The following CDK11B variants were observed in gnomAD, a reference collection of about 807,000 sequenced individuals.
The protein encoded by CDK11B is cyclin dependent kinase 11B.
Under a neutral mutation model 84.0 loss-of-function variants are expected in CDK11B, and 37 were observed. That is an observed-to-expected ratio of 0.44 (90% CI 0.34 to 0.58). The LOEUF is 0.58. CDK11B is among the 20% of genes least tolerant of loss of function. CDK11B has a pLI of 0.02. For synonymous variants in CDK11B, 269 were observed against 309.8 expected, an observed-to-expected ratio of 0.87 and a Z score of 1.38; for missense variants, 427 against 834.0, an observed-to-expected ratio of 0.51 and a Z score of 6.01.
intron 6 of CDK11B, among the ~76,000 whole-genome samples, chr1:1,643,336 A>G (rs1284746996): frequency 6.9e-6 from 1 of 144,000 alleles, no homozygotes; most frequent in Non-Finnish European, 1.5e-5. Flanking sequence ...CCCCACAGAC[A>G]CAGCCCAGCA....
chr1:1,657,943 G>A (rs1385928974), intron 1 of CDK11B, among the ~76,000 whole-genome samples: 1 of 149,822 alleles, frequency 6.7e-6, no homozygotes, highest in East Asian at 1.9e-4. Flanking sequence ...TCTAGGCTGA[G>A]GCGGGTGGAT....
intron 4 of CDK11B, among the ~76,000 whole-genome samples, chr1:1,649,983 T>C (rs1397384742): frequency 7.3e-6 from 1 of 136,918 alleles, no homozygotes; most frequent in South Asian, 2.3e-4. Flanking sequence ...CACGTGAAAC[T>C]GAAATTAAGA....
intron 2 of CDK11B, among the ~76,000 whole-genome samples, chr1:1,656,634 C>T (rs1246044780): frequency 1.3e-5 from 2 of 151,984 alleles, no homozygotes; most frequent in Non-Finnish European, 2.9e-5. Context: ...CTAAAAAATA[C>T]AAAAAATTAG....
At position 1,656,707 on chromosome 1, in the gene CDK11B, G is replaced by A. The variant is rs141592373; in HGVS notation, c.111+668C>T. 3.7e-3 allele frequency among the ~76,000 whole-genome samples: 564 copies of A among 152,128 alleles called. 1 individual carries two copies. The highest frequency in any genetic ancestry group is 0.014 in the Middle Eastern group (4 of 294). On this transcript the variant is annotated intron_variant, in intron 2 of 19. Transcript: ENST00000341832. ...TGGGAGGCTGAGGCAGGAGAATGGC[G>A]TGAACCCGGCCCTGGGCGACAGTGC...
chr1:1,656,166 G>T (rs1209320469), intron 2 of CDK11B, among the ~76,000 whole-genome samples: 1 of 152,044 alleles, frequency 6.6e-6, no homozygotes, highest in Non-Finnish European at 1.5e-5. Context: ...GAGTCACACA[G>T]ATTTTTTGGT....
chr1:1,649,389 C>G (rs1641600590), intron 5 of CDK11B, 110 bp downstream of exon 5: 1 of 827,956 alleles, frequency 1.2e-6, no homozygotes, highest in Middle Eastern at 3.4e-4. Context: ...GCGTGAGCCA[C>G]CACACCTGGC....
intron 3 of CDK11B, among the ~76,000 whole-genome samples, chr1:1,655,142 C>T (rs1402135938): frequency 6.6e-6 from 1 of 152,076 alleles, no homozygotes; most frequent in Non-Finnish European, 1.5e-5. Context: ...TGGCAAAGTT[C>T]TTTACAGAAA....
At chr1:1,646,483 A>G (rs1316877429) in intron 5 of CDK11B, 1 of 519,870 alleles carries the variant, frequency 1.9e-6, no homozygotes, top group Non-Finnish European at 3.9e-6. Context: ...TGTGCAGTCC[A>G]TTTATGCCAC....
chr1:1,651,377 T>C (rs1641975741), intron 4 of CDK11B, among the ~76,000 whole-genome samples: 1 of 152,104 alleles, frequency 6.6e-6, no homozygotes, highest in African/African-American at 2.4e-5. Context: ...TCTCTGGTTT[T>C]CGGTCTGTGA....
intron 3 of CDK11B, among the ~76,000 whole-genome samples, chr1:1,654,884 T>G (rs1161817127): frequency 6.8e-6 from 1 of 147,788 alleles, no homozygotes; most frequent in Non-Finnish European, 1.5e-5. Flanking sequence ...GGTCTTGATC[T>G]TCTGACCTTG....
intron 5 of CDK11B, among the ~76,000 whole-genome samples, chr1:1,648,853 T>A (rs1364484456): frequency 6.6e-6 from 1 of 152,098 alleles, no homozygotes; most frequent in Non-Finnish European, 1.5e-5. Context: ...TACTGCAGCC[T>A]TGACCTCCAG....
Position 1,655,355 on chromosome 1 carries a change from G to T in CDK11B, c.227+14C>A. 1.2e-6 allele frequency: 2 copies of T among 1,612,730 alleles called. No individual in the cohort carries two copies. Among genetic ancestry groups the T allele is most frequent in the Non-Finnish European group, 1.7e-6 (2 of 1,179,164 alleles). On this transcript the variant is annotated intron_variant, in intron 3 of 19. Coordinates refer to ENST00000341832, the MANE Select transcript of CDK11B (RefSeq NM_033486.3). ...GTGTACAGCTGGGTCTTGCACATCT[G>T]TACATCCGCTCACCTGTCTTCCATA...
At chr1:1,637,707 G>C in intron 13 of CDK11B, 55 bp downstream of exon 13, 1 of 1,613,494 alleles carries the variant, frequency 6.2e-7, no homozygotes. Flanking sequence ...GACAGCACGG[G>C]GCCCTGTCAG....
intron 4 of CDK11B, among the ~76,000 whole-genome samples, chr1:1,651,586 C>G (rs1449978492): frequency 6.6e-6 from 1 of 151,500 alleles, no homozygotes; most frequent in Non-Finnish European, 1.5e-5. Flanking sequence ...AGTTTGCTCT[C>G]TCTGGTTTTC....
At chr1:1,649,820 C>T (rs1641655658) in intron 4 of CDK11B, among the ~76,000 whole-genome samples, 183 bp from the exon 5 acceptor site, 1 of 151,210 alleles carries the variant, frequency 6.6e-6, no homozygotes, top group African/African-American at 2.4e-5. Flanking sequence ...ACTAAAAATA[C>T]AAAAATTAGC....
At chr1:1,645,990 C>T (rs776568915) in intron 5 of CDK11B, 1 of 469,814 alleles carries the variant, frequency 2.1e-6, no homozygotes, top group Non-Finnish European at 4.3e-6. Context: ...AGGTGTGCGC[C>T]ACCACACCCA....
chr1:1,658,424 G>T (rs1643082986), intron 1 of CDK11B, among the ~76,000 whole-genome samples: 1 of 149,500 alleles, frequency 6.7e-6, no homozygotes, highest in East Asian at 2.0e-4. Flanking sequence ...CCTCAGTTTA[G>T]TCTTCCGTAC....
rs552178560 is a variant in CDK11B at position 1,641,324 on chromosome 1, C to T, written c.1010-211G>A. The stretch of plus-strand genomic sequence containing the variant: ...AGGAGTTCGAGACCATCCTGGCCAA[C>T]GTGGTGAAACCCCGTCTCGACTAAA... On this transcript the variant is annotated intron_variant, in intron 9 of 19. Coordinates refer to ENST00000341832, the MANE Select transcript of CDK11B (RefSeq NM_033486.3). Among the ~76,000 whole-genome samples the T allele has an allele frequency of 8.1e-5, 12 of 147,504 alleles. 1 individual carries two copies. Among genetic ancestry groups the T allele is most frequent in the South Asian group, 2.1e-4 (1 of 4,714 alleles).
At position 1,641,088 on chromosome 1, in the gene CDK11B, A is replaced by G. The variant is rs1227747724; in HGVS notation, c.1035T>C (p.Ser345=). 2 of 1,596,722 alleles carry G rather than the reference A, an allele frequency of 1.3e-6. No individual in the cohort carries two copies. Among genetic ancestry groups the G allele is most frequent in the African/African-American group, 1.4e-5 (1 of 73,912 alleles). The part of the protein sequence containing the change: ...SAEEVSEEEM[S]EDEERENENH... ...TTTCATTTTCTCGTTCTTCATCTTC[A>G]CTCATTTCTTCCTCACTTACTTCTT... The change falls in exon 10 of 20, where the codon AGT becomes AGC. Residue 345 remains serine (S), a synonymous_variant. Coordinates refer to ENST00000341832, the MANE Select transcript of CDK11B (RefSeq NM_033486.3).
Sources: gnomAD v4.1 joint callset for allele counts (sites outside exome capture counted in the v4.1 genomes callset) on GRCh38, gnomAD v4.1.1 for gene constraint, MANE v1.5 for transcripts, NCBI Gene and HGNC (gene_info 2026-07-23, HGNC 2026-07-21) for gene names.